Variants in SYNE2 observed in about 807,000 individuals in gnomAD.
SYNE2 encodes the protein spectrin repeat containing nuclear envelope protein 2.
A neutral mutation model predicts 856.3 loss-of-function variants in SYNE2; 431 were observed. The observed-to-expected ratio is 0.50, with a 90% CI of 0.47 to 0.55. The LOEUF is 0.55. Among genes scored for constraint, SYNE2 ranks in the 20% least tolerant of loss-of-function variants. The pLI is 0.00. For synonymous variants in SYNE2, 2,923 were observed against 2,872.3 expected, an observed-to-expected ratio of 1.02 and a Z score of -0.56; for missense variants, 8,129 against 8,023.2, an observed-to-expected ratio of 1.01 and a Z score of -0.50.
At chr14:63,939,346 TC>T (rs1421459235) in intron 2 of SYNE2, among the ~76,000 whole-genome samples, 20 of 125,804 alleles carry the variant, frequency 1.6e-4, no homozygotes, top group South Asian at 5.2e-4. Context: ...ATTTTTTTTT[TC>T]TTTTTTTTTT....
intron 1 of SYNE2, among the ~76,000 whole-genome samples, chr14:63,766,830 G>A (rs969080900): frequency 1.3e-5 from 2 of 152,106 alleles, no homozygotes; most frequent in Non-Finnish European, 2.9e-5. Flanking sequence ...TTTGTTAGCG[G>A]AATCACTTAA....
chr14:64,126,071 C>G (rs2153671943), intron 71 of SYNE2, among the ~76,000 whole-genome samples: 1 of 152,314 alleles, frequency 6.6e-6, no homozygotes, highest in East Asian at 1.9e-4. Flanking sequence ...GATCCTTCAT[C>G]TCATGATTTA....
intron 85 of SYNE2, 122 bp downstream of exon 85, chr14:64,152,838 T>C: frequency 4.7e-6 from 6 of 1,273,798 alleles, no homozygotes; most frequent in Non-Finnish European, 6.6e-6. Context: ...GAAAAGTTGC[T>C]GAGAAAAATT....
intron 99 of SYNE2, among the ~76,000 whole-genome samples, chr14:64,198,901 A>G (rs771491231): frequency 6.6e-6 from 1 of 152,214 alleles, no homozygotes; most frequent in African/African-American, 2.4e-5. Context: ...AACAGCTATT[A>G]TTGAGCAACT....
chr14:63,885,331 G>GTC (rs35769908), intron 1 of SYNE2, among the ~76,000 whole-genome samples: 94,323 of 151,712 alleles, frequency 0.62, 29,462 homozygotes, highest in South Asian at 0.72. Context: ...CTTTCTCACT[G>GTC]TCTCTCTGTG....
rs1152588 is a variant in SYNE2 at position 64,221,457 on chromosome 14, G to C, written c.20062-119G>C. Reference sequence around the variant, plus strand: ...AGTTTAAAGCTGGTCCTCGTATTCAGTGGGTAAGGCCAGAAAAGCAAATGA... The same window carrying C: ...AGTTTAAAGCTGGTCCTCGTATTCACTGGGTAAGGCCAGAAAAGCAAATGA... On this transcript the variant is annotated intron_variant, in intron 111 of 115. Coordinates refer to ENST00000555002, the MANE Select transcript of SYNE2 (RefSeq NM_182914.3). 908,502 of 1,588,304 alleles carry C rather than the reference G, an allele frequency of 0.57. 265,110 individuals are homozygous for C. The highest frequency in any genetic ancestry group is 0.88 in the African/African-American group (65,689 of 74,394).
chr14:64,121,328 C>T (rs759608928), intron 68 of SYNE2, among the ~76,000 whole-genome samples: 9 of 152,022 alleles, frequency 5.9e-5, no homozygotes, highest in Non-Finnish European at 1.0e-4. Context: ...CGAAACCAGC[C>T]TGGACAACAT....
chr14:63,974,884 GTGTGTGTGTATATATATATATATA>G lies in SYNE2; in HGVS notation c.1129-1677_1129-1654del, dbSNP rs2096525661. 6.6e-4 allele frequency among the ~76,000 whole-genome samples: 18 copies of G among 27,292 alleles called. No homozygotes were observed. The South Asian group carries it at 0.014, about 21-fold the overall frequency. The allele number at this position is 27,292 out of a possible 152,430, so 17.9% of individuals were successfully genotyped here. A position where few individuals can be genotyped will look rare whatever the true frequency, so the allele number is the denominator to read the frequency against. ...TGTGTGTGTGTGTGTGTGTGTGTGT[GTGTGTGTGTATATATATATATATA>G]TATATATATGTATCTTGAGACAGGG... On this transcript the variant is annotated intron_variant, in intron 11 of 115. Transcript: ENST00000555002.
At chr14:64,045,384 G>T (rs1357812639) in intron 45 of SYNE2, among the ~76,000 whole-genome samples, 3 of 149,574 alleles carry the variant, frequency 2.0e-5, no homozygotes, top group African/African-American at 5.0e-5. Context: ...CAGATAAAGT[G>T]TTCCTCAGGT....
rs2153531508 is a variant in SYNE2 at position 64,020,094 on chromosome 14, G to T, written c.5151+1G>T. 1.9e-6 allele frequency: 3 copies of T among 1,587,946 alleles called. No homozygotes were observed. The highest frequency in any genetic ancestry group is 2.6e-6 in the Non-Finnish European group (3 of 1,161,504). On this transcript the variant is annotated splice_donor_variant, in intron 35 of 115. Coordinates refer to ENST00000555002, the MANE Select transcript of SYNE2 (RefSeq NM_182914.3). LOFTEE classifies it high-confidence loss of function. ...CAGTGAAATACCTCTTGAATTGCAG[G>T]TAAGAATTTTTATTTAAAAGTTTCA... is the stretch of plus-strand genomic sequence containing the variant.
At chr14:64,150,915 TC>T (rs2098235960) in intron 84 of SYNE2, among the ~76,000 whole-genome samples, 1 of 152,174 alleles carries the variant, frequency 6.6e-6, no homozygotes, top group African/African-American at 2.4e-5. Context: ...TCGTTTTGTT[TC>T]CTGGGTGCCT....
chr14:63,809,238 T>G (rs1445898910), intron 1 of SYNE2, among the ~76,000 whole-genome samples: 20 of 152,014 alleles, frequency 1.3e-4, no homozygotes, highest in Non-Finnish European at 4.4e-5. Context: ...AAAAAAAAAG[T>G]AAATTTGCCT....
intron 11 of SYNE2, among the ~76,000 whole-genome samples, chr14:63,974,672 T>C (rs534668016): frequency 5.9e-4 from 87 of 147,072 alleles, no homozygotes; most frequent in African/African-American, 2.0e-3. Flanking sequence ...GATTCTCCTA[T>C]TTCAGCCTCC....
chr14:64,088,873 A>C (rs1057064869), intron 58 of SYNE2, among the ~76,000 whole-genome samples: 2 of 152,362 alleles, frequency 1.3e-5, no homozygotes, highest in African/African-American at 4.8e-5. Context: ...ATTTTTGGTT[A>C]CTGAAGCTCA....
intron 8 of SYNE2, among the ~76,000 whole-genome samples, chr14:63,959,820 A>G (rs1276657367): frequency 2.6e-5 from 4 of 151,170 alleles, no homozygotes; most frequent in African/African-American, 7.3e-5. Context: ...TTCTTATATT[A>G]TGATTCTCCA....
rs2098510718 is a variant in SYNE2 at position 64,190,005 on chromosome 14, CTG to C, written c.17872-63_17872-62del. Reference sequence around the variant, plus strand: ...TTAATTTCAAGAGGTAACTCTATGTCTGTGGCTGGAGAAGAAATGAGTTTGGG... The same window carrying C: ...TTAATTTCAAGAGGTAACTCTATGTCTGGCTGGAGAAGAAATGAGTTTGGG... On this transcript the variant is annotated intron_variant, in intron 98 of 115. Coordinates refer to ENST00000555002, the MANE Select transcript of SYNE2 (RefSeq NM_182914.3). 7 of 1,521,914 alleles carry C rather than the reference CTG, an allele frequency of 4.6e-6. No homozygotes were observed. In the African/African-American group the frequency reaches 9.9e-5, roughly 21 times the overall value. The allele number at this position is 1,521,914 out of a possible 1,614,324, so 94.3% of individuals were successfully genotyped here.
chr14:64,138,122 T>C (rs1407959136), intron 79 of SYNE2, 139 bp downstream of exon 79: 2 of 864,274 alleles, frequency 2.3e-6, no homozygotes, highest in African/African-American at 3.4e-5. Flanking sequence ...TGGGTCCCTC[T>C]TCTGGGCTAA....
chr14:64,046,480 G>A (rs2097187262), intron 45 of SYNE2, among the ~76,000 whole-genome samples: 1 of 152,188 alleles, frequency 6.6e-6, no homozygotes, highest in African/African-American at 2.4e-5. Flanking sequence ...AGCCTCCTGA[G>A]TAGCTGGGAC....
rs116653055 is a variant in SYNE2 at position 64,055,945 on chromosome 14, A to G, written c.9746A>G (p.Asn3249Ser). ...AGCATTTAATCTCCTATTCACTAGA[A>G]TGTCTTGAATGATGCTTATGAAAAT... ...QLNTSIDLRT[N>S]VLNDAYENLT... is the part of the protein sequence containing the mutation. The change falls in exon 49 of 116, where the codon AAT becomes AGT. Residue 3249 changes from asparagine to serine, a missense_variant and splice_region_variant. This residue lies in a region of SYNE2 where 5,410 missense variants were observed against 5,284.8 expected (regional missense o/e 1.02). Coordinates refer to ENST00000555002, the MANE Select transcript of SYNE2 (RefSeq NM_182914.3). The G allele has an allele frequency of 2.5e-6, 4 of 1,613,008 alleles. No individual in the cohort carries two copies. The highest frequency in any genetic ancestry group is 1.3e-5 in the African/African-American group (1 of 75,040).
Sources: allele counts gnomAD v4.1 joint callset (sites outside exome capture counted in the v4.1 genomes callset), GRCh38; gene constraint gnomAD v4.1.1; regional missense constraint gnomAD v4.1.1; transcripts MANE v1.5; gene names NCBI Gene and HGNC (gene_info 2026-07-23, HGNC 2026-07-21).